The following CDKAL1 variants were observed in gnomAD, a reference collection of about 807,000 sequenced individuals.
CDKAL1 encodes CDKAL1 threonylcarbamoyladenosine tRNA methylthiotransferase.
Under a neutral mutation model 68.2 loss-of-function variants are expected in CDKAL1, and 32 were observed. The ratio of observed to expected loss-of-function variants is 0.47; its 90% CI spans 0.35 to 0.63. The LOEUF is 0.63. CDKAL1 is among the 30% of genes least tolerant of loss of function. The pLI is 0.00. For synonymous variants in CDKAL1, 234 were observed against 244.3 expected, an observed-to-expected ratio of 0.96 and a Z score of 0.39; for missense variants, 606 against 696.7, an observed-to-expected ratio of 0.87 and a Z score of 1.47.
chr6:20,914,239 A>G (rs1167718775), intron 9 of CDKAL1, among the ~76,000 whole-genome samples: 3 of 152,176 alleles, frequency 2.0e-5, no homozygotes, highest in African/African-American at 4.8e-5. Context: ...GCAGTGAGCC[A>G]GGACTGTGCC....
At chr6:20,598,889 T>C (rs185855960) in intron 4 of CDKAL1, among the ~76,000 whole-genome samples, 105 of 152,236 alleles carry the variant, frequency 6.9e-4, no homozygotes, top group African/African-American at 2.4e-3. Flanking sequence ...AAAATATCTT[T>C]AATGCTTTTT....
At chr6:20,932,292 C>T (rs1281889545) in intron 9 of CDKAL1, among the ~76,000 whole-genome samples, 1 of 151,980 alleles carries the variant, frequency 6.6e-6, no homozygotes, top group Non-Finnish European at 1.5e-5. Context: ...ATGAACCCAC[C>T]GAGTGTTTCT....
At chr6:20,687,966 C>G (rs773059265) in intron 5 of CDKAL1, among the ~76,000 whole-genome samples, 4 of 151,932 alleles carry the variant, frequency 2.6e-5, no homozygotes, top group Non-Finnish European at 5.9e-5. Flanking sequence ...TTTTCCTTCA[C>G]TTTTGAAGAA....
At chr6:20,760,106 A>G (rs1470682256) in intron 7 of CDKAL1, among the ~76,000 whole-genome samples, 1 of 151,916 alleles carries the variant, frequency 6.6e-6, no homozygotes, top group Non-Finnish European at 1.5e-5. Context: ...GAATGAGACT[A>G]TACCTTAATC....
chr6:20,553,141 A>C (rs888752903), intron 4 of CDKAL1, among the ~76,000 whole-genome samples: 1 of 152,214 alleles, frequency 6.6e-6, no homozygotes, highest in African/African-American at 2.4e-5. Context: ...CATTTGGGGA[A>C]GAAAGATTAT....
At chr6:21,177,014 A>C (rs1388322080) in intron 13 of CDKAL1, among the ~76,000 whole-genome samples, 1 of 152,154 alleles carries the variant, frequency 6.6e-6, no homozygotes, top group African/African-American at 2.4e-5. Flanking sequence ...GGTTTTTAAA[A>C]AGCAATCCTC....
intron 9 of CDKAL1, among the ~76,000 whole-genome samples, chr6:20,855,083 G>A (rs747322471): frequency 1.3e-5 from 2 of 152,118 alleles, no homozygotes; most frequent in Admixed American, 6.5e-5. Flanking sequence ...TCCCAGCAGC[G>A]TCCCTTTAAC....
intron 9 of CDKAL1, among the ~76,000 whole-genome samples, chr6:20,885,788 G>T (rs1014152052): frequency 5.3e-5 from 8 of 152,188 alleles, no homozygotes; most frequent in South Asian, 2.1e-4. Flanking sequence ...AATACGTAAA[G>T]AACTAAAACT....
At chr6:20,873,958 C>G (rs755419739) in intron 9 of CDKAL1, among the ~76,000 whole-genome samples, 1 of 152,106 alleles carries the variant, frequency 6.6e-6, no homozygotes, top group Non-Finnish European at 1.5e-5. Flanking sequence ...AGGGCAGGTC[C>G]GGAATTCTGT....
At chr6:21,110,411 G>T (rs978283491) in intron 13 of CDKAL1, among the ~76,000 whole-genome samples, 2 of 152,146 alleles carry the variant, frequency 1.3e-5, no homozygotes, top group African/African-American at 4.8e-5. Context: ...ATCTGAGAAT[G>T]TTGCTATTTT....
chr6:20,561,764 T>C (rs907320893), intron 4 of CDKAL1, among the ~76,000 whole-genome samples: 9 of 152,210 alleles, frequency 5.9e-5, no homozygotes, highest in African/African-American at 2.2e-4. Context: ...TTGAATATAA[T>C]GTATAGAAGT....
intron 7 of CDKAL1, among the ~76,000 whole-genome samples, chr6:20,771,397 T>G (rs1473133688): frequency 6.6e-6 from 1 of 152,142 alleles, no homozygotes; most frequent in East Asian, 1.9e-4. Flanking sequence ...ACAAGATTAT[T>G]CAGTTCTTGA....
intron 13 of CDKAL1, among the ~76,000 whole-genome samples, chr6:21,108,881 T>C (rs1369043100): frequency 6.6e-6 from 1 of 152,176 alleles, no homozygotes; most frequent in African/African-American, 2.4e-5. Context: ...AAAATCCTAA[T>C]AAAAATTAGT....
intron 4 of CDKAL1, among the ~76,000 whole-genome samples, chr6:20,587,893 C>T (rs1035459396): frequency 2.6e-5 from 4 of 151,838 alleles, no homozygotes; most frequent in African/African-American, 4.8e-5. Flanking sequence ...CCCAGGAGTT[C>T]GAGACCAGCC....
intron 12 of CDKAL1, among the ~76,000 whole-genome samples, chr6:21,068,232 T>G (rs79823082): frequency 3.3e-4 from 2 of 6,098 alleles, no homozygotes; most frequent in African/African-American, 7.9e-3. Context: ...AATTTATCAA[T>G]TTTTTTTTTA....
chr6:20,970,384 T>G (rs1178205371), intron 10 of CDKAL1, among the ~76,000 whole-genome samples: 1 of 152,176 alleles, frequency 6.6e-6, no homozygotes, highest in African/African-American at 2.4e-5. Flanking sequence ...TGCAAACCTT[T>G]AGTTAATTTC....
intron 5 of CDKAL1, among the ~76,000 whole-genome samples, chr6:20,675,200 C>T (rs1770034171): frequency 6.6e-6 from 1 of 151,990 alleles, no homozygotes; most frequent in African/African-American, 2.4e-5. Context: ...CAGTGTTATA[C>T]TTGCTTCATT....
intron 10 of CDKAL1, 46 bp downstream of exon 10, chr6:20,955,631 G>A (rs1764740700): frequency 6.4e-7 from 1 of 1,552,776 alleles, no homozygotes; most frequent in African/African-American, 1.4e-5. Context: ...ACACTAACCA[G>A]TCCAGACAGT....
chr6:20,861,885 G>A (rs1047734634), intron 9 of CDKAL1, among the ~76,000 whole-genome samples: 1 of 152,196 alleles, frequency 6.6e-6, no homozygotes, highest in Non-Finnish European at 1.5e-5. Flanking sequence ...CCAGACATGT[G>A]AATGGAGAAG....
Sources: gnomAD v4.1 joint callset for allele counts (sites outside exome capture counted in the v4.1 genomes callset) on GRCh38, gnomAD v4.1.1 for gene constraint, MANE v1.5 for transcripts, NCBI Gene and HGNC (gene_info 2026-07-23, HGNC 2026-07-21) for gene names.